Variants in FRMD6 observed in about 807,000 individuals in gnomAD.
FRMD6 encodes the protein FERM domain-containing protein 6.
A neutral mutation model predicts 73.2 loss-of-function variants in FRMD6; 37 were observed. That is an observed-to-expected ratio of 0.51 (90% CI 0.39 to 0.66). FRMD6 has a LOEUF of 0.66. Among genes scored for constraint, FRMD6 ranks in the 30% least tolerant of loss-of-function variants. The probability of loss-of-function intolerance (pLI) is 0.00; values close to 1 mark genes in which losing one functional copy is unlikely to be tolerated. For synonymous variants in FRMD6, 273 were observed against 282.2 expected, an observed-to-expected ratio of 0.97 and a Z score of 0.33; for missense variants, 714 against 780.5, an observed-to-expected ratio of 0.91 and a Z score of 1.02.
chr14:51,489,575 G>T (rs1234800792), intron 1 of FRMD6, among the ~76,000 whole-genome samples: 3 of 152,220 alleles, frequency 2.0e-5, no homozygotes, highest in African/African-American at 4.8e-5. Context: ...TGAGGGAGTT[G>T]GTTCTGCTGC....
intron 2 of FRMD6, among the ~76,000 whole-genome samples, chr14:51,613,484 T>C (rs1890592865): frequency 6.6e-6 from 1 of 152,202 alleles, no homozygotes; most frequent in Non-Finnish European, 1.5e-5. Context: ...ATATGTGTAC[T>C]TCTAAATCCG....
At chr14:51,477,971 C>G in the FRMD6 span, among the ~76,000 whole-genome samples, 1 of 152,172 alleles carries the variant, frequency 6.6e-6, no homozygotes, top group East Asian at 1.9e-4. Flanking sequence ...CTCCTGCCCT[C>G]AGGTGATCCA....
intron 1 of FRMD6, among the ~76,000 whole-genome samples, chr14:51,500,656 G>A (rs1288039562): frequency 6.6e-6 from 1 of 152,192 alleles, no homozygotes; most frequent in Non-Finnish European, 1.5e-5. Flanking sequence ...GACACAGAAA[G>A]ACCTGAATCA....
chr14:51,723,081 C>T (rs1897721793), intron 12 of FRMD6, among the ~76,000 whole-genome samples: 1 of 152,244 alleles, frequency 6.6e-6, no homozygotes, highest in Non-Finnish European at 1.5e-5. Context: ...GGAATCATCT[C>T]TCTGACCAAC....
intron 1 of FRMD6, among the ~76,000 whole-genome samples, chr14:51,559,704 A>G (rs1296528019): frequency 6.6e-6 from 1 of 152,090 alleles, no homozygotes; most frequent in Non-Finnish European, 1.5e-5. Context: ...CTTCCTTTGA[A>G]TATTTTATGA....
intron 1 of FRMD6, among the ~76,000 whole-genome samples, chr14:51,508,359 T>C (rs995013886): frequency 2.6e-5 from 4 of 152,236 alleles, no homozygotes; most frequent in African/African-American, 9.6e-5. Flanking sequence ...CTCTGCCAGC[T>C]TCTGAAGAAA....
intron 1 of FRMD6, among the ~76,000 whole-genome samples, chr14:51,507,904 C>A (rs1185860683): frequency 1.3e-5 from 2 of 152,136 alleles, no homozygotes; most frequent in African/African-American, 4.8e-5. Flanking sequence ...GTCAGGAGAC[C>A]CTATTTTCTT....
the FRMD6 span, among the ~76,000 whole-genome samples, chr14:51,420,766 C>T: frequency 6.6e-6 from 1 of 151,504 alleles, no homozygotes; most frequent in East Asian, 1.9e-4. Flanking sequence ...AAATACGGTA[C>T]CATTTTATTT....
At chr14:51,452,417 A>G in the FRMD6 span, among the ~76,000 whole-genome samples, 1 of 152,186 alleles carries the variant, frequency 6.6e-6, no homozygotes, top group Non-Finnish European at 1.5e-5. Context: ...CACTCTAGTG[A>G]TGGTTTTCAA....
At chr14:51,723,787 GAAAA>G (rs79827093) in intron 12 of FRMD6, among the ~76,000 whole-genome samples, 1 of 136,532 alleles carries the variant, frequency 7.3e-6, no homozygotes, top group South Asian at 2.3e-4. Context: ...AAAAAAAAAA[GAAAA>G]AGAACAAGTG....
intron 3 of FRMD6, 23 bp from the exon 4 acceptor site, chr14:51,701,033 G>T: frequency 5.2e-6 from 6 of 1,157,146 alleles, no homozygotes; most frequent in East Asian, 5.4e-5. Context: ...TTAGCATGTC[G>T]TCTCCTTTTT....
the FRMD6 span, among the ~76,000 whole-genome samples, chr14:51,478,599 C>T: frequency 6.6e-6 from 1 of 152,064 alleles, no homozygotes; most frequent in Non-Finnish European, 1.5e-5. Context: ...TGAGTTCTTC[C>T]ATATGGTGTT....
chr14:51,668,532 C>A (rs953108932), intron 1 of FRMD6, among the ~76,000 whole-genome samples: 1 of 152,074 alleles, frequency 6.6e-6, no homozygotes. Flanking sequence ...TCTTGAACCC[C>A]TGGCCTCAAG....
intron 1 of FRMD6, among the ~76,000 whole-genome samples, chr14:51,500,730 G>T (rs530932029): frequency 7.9e-5 from 12 of 152,126 alleles, no homozygotes; most frequent in Admixed American, 2.6e-4. Context: ...GGCCATAGAA[G>T]ATTATATATA....
At chr14:51,600,617 G>A (rs772051589) in intron 2 of FRMD6, among the ~76,000 whole-genome samples, 5 of 152,152 alleles carry the variant, frequency 3.3e-5, no homozygotes, top group South Asian at 2.1e-4. Context: ...TTCATGATAA[G>A]CCTTTATTTT....
chr14:51,534,983 A>G (rs1885795454), intron 1 of FRMD6, among the ~76,000 whole-genome samples: 1 of 152,230 alleles, frequency 6.6e-6, no homozygotes. Flanking sequence ...AAAGACTTTC[A>G]GGGAAAGGGA....
At chr14:51,619,955 C>A (rs1448273440) in intron 2 of FRMD6, among the ~76,000 whole-genome samples, 1 of 152,192 alleles carries the variant, frequency 6.6e-6, no homozygotes, top group Non-Finnish European at 1.5e-5. Flanking sequence ...CCCCTGTAGT[C>A]TACAGAGCCA....
chr14:51,401,129 T>A, the FRMD6 span, among the ~76,000 whole-genome samples: 1 of 152,232 alleles, frequency 6.6e-6, no homozygotes, highest in Non-Finnish European at 1.5e-5. Context: ...AACCTTTTAA[T>A]AGGCAGTCTA....
At chr14:51,442,677 A>G in the FRMD6 span, among the ~76,000 whole-genome samples, 2 of 152,122 alleles carry the variant, frequency 1.3e-5, no homozygotes, top group African/African-American at 2.4e-5. Context: ...TCTAGTGACT[A>G]CTCAGGAAAT....
Sources: allele counts gnomAD v4.1 joint callset (sites outside exome capture counted in the v4.1 genomes callset), GRCh38; gene constraint gnomAD v4.1.1; transcripts MANE v1.5; gene names NCBI Gene and HGNC (gene_info 2026-07-23, HGNC 2026-07-21).